SERINC5: variants seen among roughly 807,000 people sequenced by gnomAD.
SERINC5 encodes the protein serine incorporator 5, also known as chromosome 5 open reading frame 12.
SERINC5 carries 41 observed loss-of-function variants against 63.1 expected under a neutral mutation model. The ratio of observed to expected loss-of-function variants is 0.65; its 90% CI spans 0.51 to 0.84. The LOEUF (loss-of-function observed/expected upper bound fraction) is 0.84. SERINC5 is among the 40% of genes least tolerant of loss of function. The pLI is 0.00. For missense variants in SERINC5, 523 were observed against 573.0 expected, an observed-to-expected ratio of 0.91 and a Z score of 0.89; for synonymous variants, 222 against 215.2, an observed-to-expected ratio of 1.03 and a Z score of -0.28.
At chr5:80,147,845 T>C (rs969715184) in intron 9 of SERINC5, among the ~76,000 whole-genome samples, 1 of 152,216 alleles carries the variant, frequency 6.6e-6, no homozygotes, top group Non-Finnish European at 1.5e-5. Flanking sequence ...GTTATTTCAT[T>C]AAACCCTCTT....
rs1421743710 is a variant in SERINC5, at chr5:80,146,131, T to C, written c.1197A>G (p.Leu399=). 6.2e-7 allele frequency: 1 copy of C among 1,614,004 alleles called. No homozygotes were observed. Among genetic ancestry groups the C allele is most frequent in the Non-Finnish European group, 8.5e-7 (1 of 1,179,872 alleles). Residue 399 remains leucine, a synonymous_variant, in exon 11 of 12, where the codon CTA becomes CTG. Transcript: ENST00000507668. ...CGGTCATCATCACATACAGGGAAGC[T>C]AGGAAGAACACGAAGTGGAAGTAGG... ...IYSYFHFVFF[L]ASLYVMMTVT...
chr5:80,149,735 G>A (rs767634116), intron 9 of SERINC5, among the ~76,000 whole-genome samples: 5 of 152,210 alleles, frequency 3.3e-5, no homozygotes, highest in Non-Finnish European at 7.3e-5. Context: ...ACGTCACTGG[G>A]TTTTTATGAG....
At chr5:80,238,119 A>AG (rs1580208765) in intron 1 of SERINC5, among the ~76,000 whole-genome samples, 4 of 151,040 alleles carry the variant, frequency 2.6e-5, no homozygotes, top group East Asian at 3.9e-4. Flanking sequence ...AAAAAAAAAA[A>AG]AAAGAAAAGA....
Position 80,142,887 on chromosome 5 carries a change from A to C in SERINC5, c.*776T>G. The C allele has an allele frequency of 2.0e-6, 2 of 985,420 alleles. No individual in the cohort carries two copies. The highest frequency in any genetic ancestry group is 2.4e-6 in the Non-Finnish European group (2 of 829,926). 61.0% of individuals were successfully genotyped at this position (985,420 alleles called of 1,614,324 possible). ...CTTGTTCTATAATCATGTGAATAAC[A>C]CCATAAATAAGCGCCGTACTTATTG... On this transcript the variant is annotated 3_prime_UTR_variant, in exon 12 of 12. Coordinates refer to ENST00000507668, the MANE Select transcript of SERINC5 (RefSeq NM_001174072.3).
chr5:80,132,367 G>A (rs143215513), intron 11 of SERINC5, among the ~76,000 whole-genome samples: 3 of 152,262 alleles, frequency 2.0e-5, no homozygotes, highest in Non-Finnish European at 4.4e-5. Context: ...ATTCCAAGAA[G>A]CACTGTACTC....
intron 2 of SERINC5, among the ~76,000 whole-genome samples, chr5:80,179,218 G>A (rs1457305241): frequency 6.6e-6 from 1 of 152,138 alleles, no homozygotes; most frequent in African/African-American, 2.4e-5. Flanking sequence ...AGAACTGCTT[G>A]AACCTGGGAG....
intron 6 of SERINC5, 199 bp from the exon 7 acceptor site, chr5:80,166,677 G>A (rs1309396750): frequency 6.7e-6 from 3 of 447,350 alleles, no homozygotes; most frequent in Non-Finnish European, 1.2e-5. Flanking sequence ...ACGCTGAACT[G>A]AACATTGCTA....
chr5:80,160,930 GTGTGTATATATA>G (rs1395507353), intron 7 of SERINC5, among the ~76,000 whole-genome samples: 4 of 147,402 alleles, frequency 2.7e-5, no homozygotes, highest in Admixed American at 6.9e-5. Flanking sequence ...ATGTGTGTGT[GTGTGTATATATA>G]TGTGTATATA....
chr5:80,255,236 C>G (rs1752599946), intron 1 of SERINC5: 1 of 152,354 alleles, frequency 6.6e-6, no homozygotes, highest in African/African-American at 2.4e-5. Flanking sequence ...CAGGTTCGAA[C>G]AAGTTTATTT....
At chr5:80,197,575 T>C (rs1749590394) in intron 2 of SERINC5, among the ~76,000 whole-genome samples, 1 of 152,116 alleles carries the variant, frequency 6.6e-6, no homozygotes, top group South Asian at 2.1e-4. Flanking sequence ...TCTTCCTACA[T>C]TGGCCTGGCA....
chr5:80,187,556 C>T (rs546697739), intron 2 of SERINC5, among the ~76,000 whole-genome samples: 1 of 151,870 alleles, frequency 6.6e-6, no homozygotes, highest in Non-Finnish European at 1.5e-5. Flanking sequence ...CTCTTGGCAA[C>T]CAAAGCTCAT....
chr5:80,229,085 G>T, intron 1 of SERINC5, among the ~76,000 whole-genome samples: 1 of 124,456 alleles, frequency 8.0e-6, no homozygotes, highest in Admixed American at 1.0e-4. Context: ...GTGCAGTGGT[G>T]CGATCTCGGC....
At chr5:80,122,197 G>GTATATATATATATATA (rs10700420) in intron 11 of SERINC5, among the ~76,000 whole-genome samples, 8,355 of 116,368 alleles carry the variant, frequency 0.072, 372 homozygotes, top group Non-Finnish European at 0.099. Flanking sequence ...AGAACTAATA[G>GTATATATATATATATA]TATATATATA....
At chr5:80,159,655 C>T (rs1157563543) in intron 7 of SERINC5, among the ~76,000 whole-genome samples, 1 of 152,148 alleles carries the variant, frequency 6.6e-6, no homozygotes, top group Non-Finnish European at 1.5e-5. Context: ...CTGGGACTTT[C>T]AGACCCACTC....
At chr5:80,234,313 C>T (rs995045610) in intron 1 of SERINC5, among the ~76,000 whole-genome samples, 10 of 152,086 alleles carry the variant, frequency 6.6e-5, no homozygotes, top group African/African-American at 2.4e-4. Flanking sequence ...TTGGCGTACC[C>T]GTTTTTTCCA....
chr5:80,167,322 G>C (rs866499999), intron 6 of SERINC5: 2 of 152,096 alleles, frequency 1.3e-5, no homozygotes, highest in Admixed American at 6.6e-5. Flanking sequence ...TTTTAAGCAA[G>C]AACATGTGGT....
At chr5:80,150,789 G>A in intron 9 of SERINC5, 93 bp downstream of exon 9, 2 of 892,282 alleles carry the variant, frequency 2.2e-6, no homozygotes, top group Non-Finnish European at 3.8e-6. Context: ...CAGGATCACG[G>A]AATGCAGACT....
chr5:80,255,966 C>T lies in SERINC5; in HGVS notation c.-44G>A, dbSNP rs570446445. On this transcript the variant is annotated 5_prime_UTR_variant, in exon 1 of 12. Transcript: ENST00000507668. ...AGGCGCGCTCGCTGGCTCCCCGCGC[C>T]GCACGGGCCCTCCTGGCTGCCTCGC... 20 of 1,500,064 alleles carry T rather than the reference C, an allele frequency of 1.3e-5. No individual in the cohort carries two copies. The South Asian group carries it at 1.9e-4, about 14-fold the overall frequency. The allele number at this position is 1,500,064 out of a possible 1,614,324, so 92.9% of individuals were successfully genotyped here.
intron 11 of SERINC5, among the ~76,000 whole-genome samples, chr5:80,122,432 G>A (rs776586856): frequency 6.6e-5 from 10 of 151,942 alleles, no homozygotes; most frequent in Non-Finnish European, 1.2e-4. Context: ...CAGATTAAGA[G>A]TGGGTCTGCC....
Sources: gnomAD v4.1 joint callset for allele counts (sites outside exome capture counted in the v4.1 genomes callset) on GRCh38, gnomAD v4.1.1 for gene constraint, MANE v1.5 for transcripts, NCBI Gene and HGNC (gene_info 2026-07-23, HGNC 2026-07-21) for gene names.